Variants in RUBCN observed in about 807,000 individuals in gnomAD.
The protein encoded by RUBCN is run domain Beclin-1-interacting and cysteine-rich domain-containing protein.
Under a neutral mutation model 113.2 loss-of-function variants are expected in RUBCN, and 74 were observed. That is an observed-to-expected ratio of 0.65 (90% CI 0.54 to 0.79). RUBCN has a LOEUF of 0.79. Ranked by LOEUF, RUBCN falls within the 30% of genes least tolerant of loss-of-function variation. RUBCN has a pLI of 0.00. For synonymous variants in RUBCN, 480 were observed against 490.0 expected (o/e 0.98, Z 0.27); for missense variants, 1,109 against 1,251.7 (o/e 0.89, Z 1.72).
intron 1 of RUBCN, among the ~76,000 whole-genome samples, chr3:197,731,449 C>G (rs1056015158): frequency 2.6e-4 from 39 of 152,254 alleles, no homozygotes; most frequent in Non-Finnish European, 5.3e-4. Flanking sequence ...CCACCTTTCC[C>G]CCGTTTCTAT....
At chr3:197,715,657 A>G (rs951192441) in intron 2 of RUBCN, among the ~76,000 whole-genome samples, 1 of 152,206 alleles carries the variant, frequency 6.6e-6, no homozygotes, top group Non-Finnish European at 1.5e-5. Flanking sequence ...ATTTTGCCCA[A>G]GGTTACACAG....
At chr3:197,694,245 C>T (rs772047527) in intron 10 of RUBCN, 130 bp downstream of exon 10, 4 of 864,510 alleles carry the variant, frequency 4.6e-6, no homozygotes, top group Non-Finnish European at 8.0e-6. Flanking sequence ...ATGAGTATTC[C>T]TAGCATGATA....
At chr3:197,721,489 T>C (rs1041973740) in intron 1 of RUBCN, among the ~76,000 whole-genome samples, 4 of 152,136 alleles carry the variant, frequency 2.6e-5, no homozygotes, top group South Asian at 2.1e-4. Flanking sequence ...TATTTGAGTC[T>C]TTTTTCCCCC....
chr3:197,703,046 A>G (rs1723857270), intron 5 of RUBCN, among the ~76,000 whole-genome samples: 3 of 151,918 alleles, frequency 2.0e-5, no homozygotes, highest in African/African-American at 7.3e-5. Context: ...CACACGACCT[A>G]AGCCTAGACT....
At chr3:197,705,810 C>T (rs1724238386) in intron 2 of RUBCN, among the ~76,000 whole-genome samples, 1 of 152,106 alleles carries the variant, frequency 6.6e-6, no homozygotes, top group African/African-American at 2.4e-5. Context: ...TCACTGCAAC[C>T]TCCACCTCCC....
intron 9 of RUBCN, 72 bp from the exon 10 acceptor site, chr3:197,694,657 A>G: frequency 7.3e-7 from 1 of 1,379,310 alleles, no homozygotes. Flanking sequence ...TAATGTGGAA[A>G]AGGGAGTTTC....
chr3:197,670,828 G>T lies in RUBCN; in HGVS notation c.*4190C>A, dbSNP rs1211909818. On this transcript the variant is annotated 3_prime_UTR_variant, in exon 20 of 20. Coordinates refer to ENST00000296343, the MANE Select transcript of RUBCN (RefSeq NM_014687.4). ...ATAATAAAGTGACTGAAGGACATTT[G>T]GGATGTGTGTCCTCTGATGATGACT... Among the ~76,000 whole-genome samples the T allele has an allele frequency of 2.6e-5, 4 of 152,168 alleles. No homozygotes were observed. The highest frequency in any genetic ancestry group is 9.7e-5 in the African/African-American group (4 of 41,432).
chr3:197,704,756 T>C (rs1408444495), intron 3 of RUBCN, 55 bp from the exon 4 acceptor site: 83 of 1,571,298 alleles, frequency 5.3e-5, no homozygotes, highest in South Asian at 1.2e-4. Flanking sequence ...TACGGCAAGA[T>C]TGAGGCCTAA....
rs1719836454 is a variant in RUBCN at position 197,672,029 on chromosome 3, A to G, written c.*2989T>C. 6.6e-6 allele frequency: 1 copy of G among 152,250 alleles called. No individual in the cohort carries two copies. Among genetic ancestry groups the G allele is most frequent in the Non-Finnish European group, 1.5e-5 (1 of 68,046 alleles). The allele number at this position is 152,250 out of a possible 1,614,324, so 9.4% of individuals were successfully genotyped here. A position where few individuals can be genotyped will look rare whatever the true frequency, so the allele number is the denominator to read the frequency against. On this transcript the variant is annotated 3_prime_UTR_variant, in exon 20 of 20. Transcript: ENST00000296343. The stretch of plus-strand genomic sequence containing the variant: ...TTTCCTTAGTTTATTAAAGATGACA[A>G]TGAACTGCCAGGCTGCACAAGCACC...
intron 11 of RUBCN, among the ~76,000 whole-genome samples, chr3:197,684,595 T>A (rs1338811524): frequency 6.6e-6 from 1 of 151,878 alleles, no homozygotes; most frequent in Admixed American, 6.6e-5. Flanking sequence ...ACTCTCCACA[T>A]CTTAACCTTT....
At position 197,675,455 on chromosome 3, in the gene RUBCN, G is replaced by A; in HGVS notation, c.2707C>T (p.Pro903Ser). The change falls in exon 19 of 20, where the codon CCC (proline) becomes TCC (serine). Residue 903 changes from proline to serine, a missense_variant. Coordinates refer to ENST00000296343, the MANE Select transcript of RUBCN (RefSeq NM_014687.4). This position sits in a 1 kb window ranked among gnomAD's most constrained non-coding sequence, Gnocchi z 4.4. ...GTCCGGCACTTATGGAGCTCAAAGG[G>A]AAAGATGATGTCATCCTCATTCTGA... is the stretch of plus-strand genomic sequence containing the variant. Reference protein sequence around the residue: ...FCQNEDDIIFPFELHKCRTCE... With the variant: ...FCQNEDDIIFSFELHKCRTCE... 1 of 1,614,084 alleles carries A rather than the reference G, an allele frequency of 6.2e-7. No individual in the cohort carries two copies. The highest frequency in any genetic ancestry group is 8.5e-7 in the Non-Finnish European group (1 of 1,180,024).
Position 197,681,875 on chromosome 3 carries a change from C to A in RUBCN, c.2151G>T (p.Gln717His), listed in dbSNP as rs751856960. The A allele has an allele frequency of 1.9e-6, 3 of 1,613,990 alleles. No homozygotes were observed. Among genetic ancestry groups the A allele is most frequent in the Non-Finnish European group, 2.5e-6 (3 of 1,179,982 alleles). The change falls in exon 15 of 20, where the codon CAG becomes CAT. Residue 717 changes from glutamine to histidine, a missense_variant. Physicochemically the swap from Gln to His is conservative, Grantham distance 24. This residue lies in a region of RUBCN where 306 missense variants were observed against 348.9 expected (regional missense o/e 0.88). Coordinates refer to ENST00000296343, the MANE Select transcript of RUBCN (RefSeq NM_014687.4). This position sits in a 1 kb window ranked among gnomAD's most constrained non-coding sequence, Gnocchi z 5.5. ...APTRKIAVAK[Q>H]NYRCAGCGIR... ...TGCCACATCCTGCACAGCGGTAATT[C>A]TGCTTGGCCACGGCAATTTTCCTCC... is the stretch of plus-strand genomic sequence containing the variant.
chr3:197,710,933 C>T (rs1724896101), intron 2 of RUBCN, among the ~76,000 whole-genome samples: 1 of 152,030 alleles, frequency 6.6e-6, no homozygotes, highest in South Asian at 2.1e-4. Flanking sequence ...TCAAGTGATT[C>T]TCCTGCCTCA....
chr3:197,739,668 C>T (rs578059346), upstream of RUBCN, among the ~76,000 whole-genome samples: 115 of 152,284 alleles, frequency 7.6e-4, 1 homozygote, highest in African/African-American at 2.6e-3. Flanking sequence ...CACTGCACTC[C>T]AGCCTGGAAG....
chr3:197,719,126 C>T (rs1725859131), intron 1 of RUBCN, among the ~76,000 whole-genome samples: 1 of 152,134 alleles, frequency 6.6e-6, no homozygotes, highest in South Asian at 2.1e-4. Context: ...CATGACGTGA[C>T]TCTGCATACC....
At chr3:197,676,313 T>C (rs892330580) in intron 18 of RUBCN, 2 of 998,606 alleles carry the variant, frequency 2.0e-6, no homozygotes, top group African/African-American at 3.5e-5. Context: ...AGCTCTCCTC[T>C]CACATCATGA....
Position 197,674,865 on chromosome 3 carries a change from C to CTCGGTG in RUBCN, c.*152_*153insCACCGA. ...CTGCCGACGGCTGACTGCACACAGA[C>CTCGGTG]GTCAGACAAGTCAGTAAAAAAAAAA... On this transcript the variant is annotated 3_prime_UTR_variant, in exon 20 of 20. Coordinates refer to ENST00000296343, the MANE Select transcript of RUBCN (RefSeq NM_014687.4). 29 of 627,174 alleles carry CTCGGTG rather than the reference C, an allele frequency of 4.6e-5. No homozygotes were observed. Among genetic ancestry groups the CTCGGTG allele is most frequent in the South Asian group, 1.5e-4 (6 of 41,102 alleles). The allele number at this position is 627,174 out of a possible 1,614,324, so 38.9% of individuals were successfully genotyped here.
chr3:197,683,478 A>G lies in RUBCN; in HGVS notation c.1848-39T>C, dbSNP rs771636985. The G allele has an allele frequency of 1.2e-6, 2 of 1,612,170 alleles. No individual in the cohort carries two copies. The highest frequency in any genetic ancestry group is 1.7e-6 in the Non-Finnish European group (2 of 1,179,446). On this transcript the variant is annotated intron_variant, in intron 12 of 19. Coordinates refer to ENST00000296343, the MANE Select transcript of RUBCN (RefSeq NM_014687.4). The surrounding 1 kb of genome is among the most constrained non-coding windows in gnomAD (Gnocchi z 4.6). ...AATCAAGGACGGCTGAACACAGGGAAAGGATGGGCGATGCGAGGCTTCCCT... is the reference window on the plus strand; with the variant it reads ...AATCAAGGACGGCTGAACACAGGGAGAGGATGGGCGATGCGAGGCTTCCCT...
At chr3:197,730,398 G>T (rs1335256017) in intron 1 of RUBCN, among the ~76,000 whole-genome samples, 1 of 152,104 alleles carries the variant, frequency 6.6e-6, no homozygotes, top group East Asian at 1.9e-4. Context: ...TGCTGGGACT[G>T]CATCTTTCTT....
Sources: gnomAD v4.1 joint callset for allele counts (sites outside exome capture counted in the v4.1 genomes callset) on GRCh38, gnomAD v4.1.1 for gene constraint, gnomAD v4.1.1 regional missense constraint, Gnocchi (gnomAD v3.1) non-coding constraint, MANE v1.5 for transcripts, NCBI Gene and HGNC (gene_info 2026-07-23, HGNC 2026-07-21) for gene names.